The following PRRX2 variants were observed in gnomAD, a reference collection of about 807,000 sequenced individuals.
PRRX2 encodes the protein paired mesoderm homeobox protein 2.
In PRRX2, 11 loss-of-function variants were observed where a neutral mutation model predicts 18.0. The observed-to-expected ratio is 0.61, with a 90% confidence interval of 0.39 to 1.01. PRRX2 has a LOEUF of 1.01. Among genes scored for constraint, PRRX2 ranks in the 50% least tolerant of loss-of-function variants. PRRX2 has a pLI of 0.01. For synonymous variants in PRRX2, 177 were observed against 154.8 expected (o/e 1.14, Z -1.06); for missense variants, 387 against 351.0 (o/e 1.10, Z -0.82).
intron 1 of PRRX2, among the ~76,000 whole-genome samples, chr9:129,676,431 A>G (rs1054747387): frequency 1.3e-5 from 2 of 152,172 alleles, no homozygotes; most frequent in Non-Finnish European, 2.9e-5. Flanking sequence ...GCAGGCAGCC[A>G]GACAGTGCTC....
At position 129,671,910 on chromosome 9, in the gene PRRX2, T is replaced by C. The variant is rs528568648; in HGVS notation, c.259+5784T>C. ...GAGCTCTCCTGGCTGTTGGGGAGATTCTGGCTGAGGCTTGTTGGGGACTAA... is the reference window on the plus strand; with the variant it reads ...GAGCTCTCCTGGCTGTTGGGGAGATCCTGGCTGAGGCTTGTTGGGGACTAA... On this transcript the variant is annotated intron_variant, in intron 1 of 3. Coordinates refer to ENST00000372469, the MANE Select transcript of PRRX2 (RefSeq NM_016307.4). This position sits in a 1 kb window ranked among gnomAD's most constrained non-coding sequence, Gnocchi z 4.0. Among the ~76,000 whole-genome samples, 1 of 150,916 alleles carries C rather than the reference T, an allele frequency of 6.6e-6. No homozygotes were observed. Among genetic ancestry groups the C allele is most frequent in the East Asian group, 2.0e-4 (1 of 5,076 alleles).
chr9:129,701,719 GATAC>G (rs2130924976), intron 1 of PRRX2, among the ~76,000 whole-genome samples: 2 of 152,350 alleles, frequency 1.3e-5, no homozygotes, highest in South Asian at 4.1e-4. Flanking sequence ...GTGATAGCTA[GATAC>G]ATGTGGACAT....
At chr9:129,707,555 G>C (rs1175431926) in intron 1 of PRRX2, among the ~76,000 whole-genome samples, 1 of 152,000 alleles carries the variant, frequency 6.6e-6, no homozygotes, top group Non-Finnish European at 1.5e-5. Flanking sequence ...GGAGGCCAAG[G>C]CTGGTCTGGT....
In PRRX2 at chr9:129,720,466, GA is replaced by G. The variant is rs1464109129; in HGVS notation, c.448-124del. On this transcript the variant is annotated intron_variant, in intron 2 of 3. Coordinates refer to ENST00000372469, the MANE Select transcript of PRRX2 (RefSeq NM_016307.4). The stretch of plus-strand genomic sequence containing the variant: ...CATTTGTCATCCCCATTCTACAGAT[GA>G]AAAAACTGAGGGTCAGAGAGGTGAC... 4 of 825,876 alleles carry G rather than the reference GA, an allele frequency of 4.8e-6. No homozygotes were observed. The African/African-American group carries it at 7.1e-5, about 15-fold the overall frequency. 51.2% of individuals were successfully genotyped at this position (825,876 alleles called of 1,614,324 possible). A position where few individuals can be genotyped will look rare whatever the true frequency, so the allele number is the denominator to read the frequency against.
chr9:129,717,821 C>T (rs1007690839), intron 1 of PRRX2, among the ~76,000 whole-genome samples: 1 of 151,918 alleles, frequency 6.6e-6, no homozygotes, highest in African/African-American at 2.4e-5. Flanking sequence ...CTGTGACAAG[C>T]AGTGTGATTA....
At chr9:129,677,507 G>A (rs1160162372) in intron 1 of PRRX2, among the ~76,000 whole-genome samples, 2 of 152,178 alleles carry the variant, frequency 1.3e-5, no homozygotes, top group African/African-American at 2.4e-5. Flanking sequence ...CCCACCTCCC[G>A]GTTCCTGCCT....
At chr9:129,706,382 G>A (rs947326126) in intron 1 of PRRX2, among the ~76,000 whole-genome samples, 2 of 152,032 alleles carry the variant, frequency 1.3e-5, no homozygotes, top group Non-Finnish European at 2.9e-5. Flanking sequence ...GGAGCAACCC[G>A]GTAAAACCCT....
intron 1 of PRRX2, among the ~76,000 whole-genome samples, chr9:129,677,712 TG>T (rs1431005189): frequency 6.6e-6 from 1 of 152,156 alleles, no homozygotes; most frequent in Non-Finnish European, 1.5e-5. Flanking sequence ...ATGTTTTAAT[TG>T]GAAGGCCAGC....
intron 1 of PRRX2, among the ~76,000 whole-genome samples, chr9:129,679,070 G>T (rs937400271): frequency 6.6e-6 from 1 of 152,236 alleles, no homozygotes; most frequent in African/African-American, 2.4e-5. Flanking sequence ...TCCACCACGT[G>T]CAGGACGGCA....
At chr9:129,685,969 T>C (rs1832295633) in intron 1 of PRRX2, among the ~76,000 whole-genome samples, 1 of 152,198 alleles carries the variant, frequency 6.6e-6, no homozygotes, top group Non-Finnish European at 1.5e-5. Flanking sequence ...GAAGGGTTCC[T>C]ACAGGAAGTG....
chr9:129,693,876 A>G (rs957565251), intron 1 of PRRX2, among the ~76,000 whole-genome samples: 6 of 152,254 alleles, frequency 3.9e-5, no homozygotes, highest in African/African-American at 1.4e-4. Flanking sequence ...AACTTCCCAA[A>G]ATGAGCGTGT....
rs573611217 is a variant in PRRX2 at position 129,710,879 on chromosome 9, T to G, written c.260-8352T>G. ...CAGGGACCATGTTTCTTCTCCTCTA[T>G]CCTCCCTTCTCCCCTTCCTTCTTTT... is the stretch of plus-strand genomic sequence containing the variant. On this transcript the variant is annotated intron_variant, in intron 1 of 3. Coordinates refer to ENST00000372469, the MANE Select transcript of PRRX2 (RefSeq NM_016307.4). Among the ~76,000 whole-genome samples, 6 of 152,088 alleles carry G rather than the reference T, an allele frequency of 3.9e-5. No individual in the cohort carries two copies. The South Asian group carries it at 1.2e-3, about 32-fold the overall frequency.
rs111547410 is a variant in PRRX2 at position 129,686,953 on chromosome 9, G to A, written c.259+20827G>A. ...GGTTGGGGGCAGGCCCTGGGCAGGG[G>A]AGAATTAAGCAATTGCAGGCAGGCT... On this transcript the variant is annotated intron_variant, in intron 1 of 3. Transcript: ENST00000372469. 2.3e-3 allele frequency among the ~76,000 whole-genome samples: 354 copies of A among 152,344 alleles called. 4 individuals are homozygous for A. The highest frequency in any genetic ancestry group is 8.0e-3 in the African/African-American group (332 of 41,576).
intron 1 of PRRX2, among the ~76,000 whole-genome samples, chr9:129,681,244 G>A (rs1164620495): frequency 6.6e-6 from 1 of 152,260 alleles, no homozygotes; most frequent in African/African-American, 2.4e-5. Flanking sequence ...CCCTGGTTGG[G>A]TGTGATGGCT....
At chr9:129,670,913 T>TG (rs1374342870) in intron 1 of PRRX2, among the ~76,000 whole-genome samples, 2 of 152,084 alleles carry the variant, frequency 1.3e-5, no homozygotes, top group Non-Finnish European at 2.9e-5. Context: ...AGGGGAGTCA[T>TG]GCAGTCAGTG....
chr9:129,693,153 C>G (rs765784760), intron 1 of PRRX2, among the ~76,000 whole-genome samples: 1 of 152,092 alleles, frequency 6.6e-6, no homozygotes, highest in Non-Finnish European at 1.5e-5. Context: ...ATACAAGATA[C>G]GGTGTATCTT....
chr9:129,706,213 A>G (rs1311398086), intron 1 of PRRX2, among the ~76,000 whole-genome samples: 3 of 152,180 alleles, frequency 2.0e-5, no homozygotes, highest in Non-Finnish European at 4.4e-5. Flanking sequence ...TGGGAGGCCA[A>G]GGTAGGAGGA....
At position 129,675,647 on chromosome 9, in the gene PRRX2, G is replaced by A. The variant is rs113559809; in HGVS notation, c.259+9521G>A. On this transcript the variant is annotated intron_variant, in intron 1 of 3. Transcript: ENST00000372469. The surrounding 1 kb of genome is among the most constrained non-coding windows in gnomAD (Gnocchi z 4.4). ...TCCCTGTCTGTCCTCCCCCACTGCC[G>A]GTCTCCCCCTCGCTGGCCTCCCTTC... Among the ~76,000 whole-genome samples the A allele has an allele frequency of 0.018, 2,026 of 112,992 alleles. 19 individuals are homozygous for A. The highest frequency in any genetic ancestry group is 0.025 in the Non-Finnish European group (1,396 of 55,972). 74.1% of individuals were successfully genotyped at this position (112,992 alleles called of 152,430 possible).
Position 129,719,388 on chromosome 9 carries a change from G to A in PRRX2, c.417G>A (p.Arg139=), listed in dbSNP as rs772420049. ...PDAFVREELA[R]RVNLSEARVQ... is the part of the protein sequence containing the mutation. ...CCTTTGTGCGCGAGGAGCTTGCCCG[G>A]CGCGTCAACCTCAGCGAGGCGCGCG... The change falls in exon 2 of 4, where the codon CGG becomes CGA. Residue 139 remains arginine (R), a synonymous_variant. Transcript: ENST00000372469. 6.4e-7 allele frequency: 1 copy of A among 1,551,566 alleles called. No individual in the cohort carries two copies. The highest frequency in any genetic ancestry group is 1.2e-5 in the South Asian group (1 of 84,528).
Sources: gnomAD v4.1 joint callset for allele counts (sites outside exome capture counted in the v4.1 genomes callset) on GRCh38, gnomAD v4.1.1 for gene constraint, Gnocchi (gnomAD v3.1) non-coding constraint, MANE v1.5 for transcripts, NCBI Gene and HGNC (gene_info 2026-07-23, HGNC 2026-07-21) for gene names.